The following NDUFA5 variants were observed in gnomAD, a reference collection of about 807,000 sequenced individuals.
The protein encoded by NDUFA5 is NADH dehydrogenase [ubiquinone] 1 alpha subcomplex subunit 5.
A neutral mutation model predicts 19.8 loss-of-function variants in NDUFA5; 11 were observed. That is an observed-to-expected ratio of 0.56 (90% CI 0.35 to 0.92). The LOEUF (loss-of-function observed/expected upper bound fraction) is 0.92. NDUFA5 is among the 40% of genes least tolerant of loss of function. The pLI, the probability that NDUFA5 is intolerant of heterozygous loss-of-function variation, is 0.01. For missense variants in NDUFA5, 109 were observed against 134.2 expected, an observed-to-expected ratio of 0.81 and a Z score of 0.93; for synonymous variants, 47 against 46.8, an observed-to-expected ratio of 1.00 and a Z score of -0.01.
At chr7:123,557,332 G>T (rs770381078) in intron 2 of NDUFA5, 72 bp downstream of exon 2, 1 of 1,599,462 alleles carries the variant, frequency 6.3e-7, no homozygotes, top group Non-Finnish European at 8.5e-7. Context: ...CGTTAACCCT[G>T]CAATAAGCAA....
the NDUFA5 span, among the ~76,000 whole-genome samples, chr7:123,583,075 T>C: frequency 6.6e-6 from 1 of 151,940 alleles, no homozygotes; most frequent in Non-Finnish European, 1.5e-5. Context: ...TTATAGACTG[T>C]TCAGATGAGA....
chr7:123,578,140 A>G, the NDUFA5 span, among the ~76,000 whole-genome samples: 73 of 150,992 alleles, frequency 4.8e-4, no homozygotes, highest in African/African-American at 1.6e-3. Context: ...ATAAAAGGAC[A>G]AATGAATAGT....
chr7:123,571,773 A>G, the NDUFA5 span, among the ~76,000 whole-genome samples: 1 of 152,200 alleles, frequency 6.6e-6, no homozygotes, highest in African/African-American at 2.4e-5. Context: ...AGTTGATAAT[A>G]TAGTCCCACT....
chr7:123,552,687 G>C (rs1172669419), intron 2 of NDUFA5, among the ~76,000 whole-genome samples: 1 of 148,300 alleles, frequency 6.7e-6, no homozygotes, highest in African/African-American at 2.5e-5. Context: ...TAAGGGAACA[G>C]GGTAAAGCAA....
At chr7:123,551,199 TTTTC>T (rs199872564) in intron 2 of NDUFA5, among the ~76,000 whole-genome samples, 15,480 of 149,312 alleles carry the variant, frequency 0.1, 677 homozygotes, top group South Asian at 0.17. Context: ...AAATCAGTAT[TTTTC>T]TTTCTTTCTT....
At chr7:123,560,269 A>G (rs933072580), upstream of NDUFA5, among the ~76,000 whole-genome samples, 2 of 152,214 alleles carry the variant, frequency 1.3e-5, no homozygotes, top group Non-Finnish European at 2.9e-5. Flanking sequence ...ATCATTCACA[A>G]GACAAATATT....
intron 2 of NDUFA5, 45 bp from the exon 3 acceptor site, chr7:123,550,631 CAA>C: frequency 8.7e-7 from 1 of 1,147,034 alleles, no homozygotes; most frequent in Non-Finnish European, 1.3e-6. Context: ...AAAATATTAC[CAA>C]AGACTTAATG....
the NDUFA5 span, among the ~76,000 whole-genome samples, chr7:123,592,483 T>C: frequency 2.0e-5 from 3 of 152,224 alleles, no homozygotes; most frequent in Admixed American, 6.5e-5. Context: ...TGGTACGTTG[T>C]GTCTTTGTTC....
At chr7:123,597,309 T>C in the NDUFA5 span, among the ~76,000 whole-genome samples, 3 of 152,282 alleles carry the variant, frequency 2.0e-5, no homozygotes, top group African/African-American at 7.2e-5. Context: ...GGTATCACAG[T>C]GTTTGTGTTC....
At chr7:123,555,922 G>C (rs1798521019) in intron 2 of NDUFA5, 1 of 152,130 alleles carries the variant, frequency 6.6e-6, no homozygotes, top group African/African-American at 2.4e-5. Context: ...AGCCTGGCTG[G>C]AAAAAAAGAC....
rs1305607257 is a variant in NDUFA5, at chr7:123,540,514, A to G, written c.*1605T>C. 1 of 152,196 alleles carries G rather than the reference A, an allele frequency of 6.6e-6. No homozygotes were observed. The highest frequency in any genetic ancestry group is 1.5e-5 in the Non-Finnish European group (1 of 68,038). 9.4% of individuals were successfully genotyped at this position (152,196 alleles called of 1,614,324 possible). ...TTACCTTGAAAGTACCCATGCAAAC[A>G]CACTTCAGCATCATGTTTTAATAAA... is the stretch of plus-strand genomic sequence containing the variant. On this transcript the variant is annotated 3_prime_UTR_variant, in exon 5 of 5. Coordinates refer to ENST00000355749, the MANE Select transcript of NDUFA5 (RefSeq NM_005000.5).
the NDUFA5 span, among the ~76,000 whole-genome samples, chr7:123,567,256 G>T: frequency 6.6e-6 from 1 of 152,164 alleles, no homozygotes. Context: ...AATGTGAGTA[G>T]CAAGGGGATC....
chr7:123,547,154 A>C (rs1478216847), intron 3 of NDUFA5, among the ~76,000 whole-genome samples: 1 of 152,166 alleles, frequency 6.6e-6, no homozygotes, highest in Admixed American at 6.5e-5. Flanking sequence ...CAGCCCTGAC[A>C]ACACCATCTT....
intron 4 of NDUFA5, among the ~76,000 whole-genome samples, chr7:123,543,692 A>C (rs965336921): frequency 6.6e-6 from 1 of 152,206 alleles, no homozygotes; most frequent in African/African-American, 2.4e-5. Flanking sequence ...ATATGCCTTA[A>C]AACTTAATTC....
At chr7:123,598,848 C>T in the NDUFA5 span, 1 of 152,124 alleles carries the variant, frequency 6.6e-6, no homozygotes, top group African/African-American at 2.4e-5. Flanking sequence ...ATGTCAACAA[C>T]GTGGATTCTT....
At position 123,545,692 on chromosome 7, in the gene NDUFA5, GA is replaced by G. The variant is rs1330970380; in HGVS notation, c.184-17del. The G allele has an allele frequency of 8.9e-6, 14 of 1,575,212 alleles. No homozygotes were observed. The highest frequency in any genetic ancestry group is 2.3e-5 in the South Asian group (2 of 88,250). On this transcript the variant is annotated splice_polypyrimidine_tract_variant and intron_variant, in intron 3 of 4. Coordinates refer to ENST00000355749, the MANE Select transcript of NDUFA5 (RefSeq NM_005000.5). Reference sequence around the variant, plus strand: ...CATCTGGTTCCTATAATTTCAGGGAGAAAAAAAATTAAAGAAGCATACTAAC... The same window carrying G: ...CATCTGGTTCCTATAATTTCAGGGAGAAAAAAATTAAAGAAGCATACTAAC...
chr7:123,597,186 C>G, the NDUFA5 span, among the ~76,000 whole-genome samples: 1 of 152,164 alleles, frequency 6.6e-6, no homozygotes, highest in Non-Finnish European at 1.5e-5. Flanking sequence ...GGTCACCCTG[C>G]TCTGTTCTGC....
upstream of NDUFA5, chr7:123,558,019 G>A: frequency 1.5e-6 from 1 of 688,756 alleles, no homozygotes. Flanking sequence ...GACGATTGGG[G>A]AAAGAAAGGG....
In NDUFA5 at chr7:123,557,761, T is replaced by A; in HGVS notation, c.21+14A>T. 1.2e-6 allele frequency: 2 copies of A among 1,613,478 alleles called. No individual in the cohort carries two copies. The highest frequency in any genetic ancestry group is 1.7e-6 in the Non-Finnish European group (2 of 1,179,904). ...CACAGTCTAAATTCCAACAGTGACC[T>A]CCATTCGTCTCACCTTCTTCAGCAC... On this transcript the variant is annotated intron_variant, in intron 1 of 4. Coordinates refer to ENST00000355749, the MANE Select transcript of NDUFA5 (RefSeq NM_005000.5).
Sources: allele counts gnomAD v4.1 joint callset (sites outside exome capture counted in the v4.1 genomes callset), GRCh38; gene constraint gnomAD v4.1.1; transcripts MANE v1.5; gene names NCBI Gene and HGNC (gene_info 2026-07-23, HGNC 2026-07-21).